Variants in HYCC1 observed in about 807,000 individuals in gnomAD.
HYCC1 encodes the protein hyccin PI4KA lipid kinase complex subunit 1, also known as hyccin.
At chr7:23,003,533 C>T in the HYCC1 span, among the ~76,000 whole-genome samples, 1 of 152,196 alleles carries the variant, frequency 6.6e-6, no homozygotes, top group Admixed American at 6.5e-5. Context: ...CCCCTCTTTC[C>T]TCTCTCCCAA....
chr7:22,914,105 G>A, the HYCC1 span, among the ~76,000 whole-genome samples: 5 of 152,172 alleles, frequency 3.3e-5, no homozygotes, highest in Non-Finnish European at 5.9e-5. Context: ...CCAAAACTCC[G>A]TAGCTGGTCA....
chr7:22,997,132 A>G, the HYCC1 span, among the ~76,000 whole-genome samples: 1 of 152,148 alleles, frequency 6.6e-6, no homozygotes, highest in Non-Finnish European at 1.5e-5. Context: ...TCTAAGTCAA[A>G]TGTCTTATTC....
chr7:22,978,101 C>T, the HYCC1 span: 15 of 649,528 alleles, frequency 2.3e-5, no homozygotes, highest in Middle Eastern at 4.1e-4. Flanking sequence ...ATTACATGTA[C>T]GCTTGTATGT....
the HYCC1 span, among the ~76,000 whole-genome samples, chr7:22,907,181 G>A: frequency 1.1e-4 from 16 of 151,178 alleles, no homozygotes; most frequent in Non-Finnish European, 1.9e-4. Context: ...AGGCTGGTTC[G>A]GGCCTTCACA....
chr7:22,947,066 G>T, the HYCC1 span: 1 of 1,550,330 alleles, frequency 6.5e-7, no homozygotes, highest in African/African-American at 1.4e-5. Flanking sequence ...GCAAGCCTTT[G>T]CTCTCAGTTC....
chr7:22,922,055 A>C, the HYCC1 span, among the ~76,000 whole-genome samples: 1 of 152,090 alleles, frequency 6.6e-6, no homozygotes, highest in Non-Finnish European at 1.5e-5. Context: ...GAAATTAGTA[A>C]AGGAAAAATA....
the HYCC1 span, among the ~76,000 whole-genome samples, chr7:22,969,178 G>C: frequency 6.6e-6 from 1 of 152,006 alleles, no homozygotes; most frequent in Non-Finnish European, 1.5e-5. Flanking sequence ...TTCTTTTTTT[G>C]TTTGTTTGTT....
At chr7:22,974,715 G>A in the HYCC1 span, among the ~76,000 whole-genome samples, 4 of 152,016 alleles carry the variant, frequency 2.6e-5, no homozygotes, top group Admixed American at 6.6e-5. Context: ...CAATGATCCC[G>A]TCCTCTGTGA....
At chr7:22,912,069 T>C in the HYCC1 span, among the ~76,000 whole-genome samples, 1 of 152,228 alleles carries the variant, frequency 6.6e-6, no homozygotes, top group Non-Finnish European at 1.5e-5. Context: ...ACTTCTGGTA[T>C]GGCAGCATGA....
the HYCC1 span, among the ~76,000 whole-genome samples, chr7:22,897,918 G>GCCA: frequency 6.6e-6 from 1 of 152,028 alleles, no homozygotes; most frequent in Non-Finnish European, 1.5e-5. Context: ...ACAGGTCTGA[G>GCCA]CCACCACACC....
the HYCC1 span, chr7:22,946,905 T>C: frequency 2.0e-6 from 3 of 1,486,738 alleles, no homozygotes; most frequent in Non-Finnish European, 1.8e-6. Flanking sequence ...TTTGTGACTG[T>C]GCAACTGCTG....
the HYCC1 span, among the ~76,000 whole-genome samples, chr7:23,000,124 C>A: frequency 6.6e-6 from 1 of 151,984 alleles, no homozygotes; most frequent in South Asian, 2.1e-4. Flanking sequence ...TAAATGGCCA[C>A]ACTTAAATCT....
the HYCC1 span, among the ~76,000 whole-genome samples, chr7:22,983,562 G>A: frequency 6.6e-6 from 1 of 152,172 alleles, no homozygotes; most frequent in Non-Finnish European, 1.5e-5. Context: ...TTGAAACCAT[G>A]TGTTTACTTA....
chr7:22,972,206 C>A, the HYCC1 span, among the ~76,000 whole-genome samples: 1 of 152,110 alleles, frequency 6.6e-6, no homozygotes, highest in East Asian at 1.9e-4. Flanking sequence ...GCATTAAGTG[C>A]TTTATATTTA....
chr7:22,930,394 A>G, the HYCC1 span, among the ~76,000 whole-genome samples: 1 of 117,496 alleles, frequency 8.5e-6, no homozygotes, highest in Non-Finnish European at 1.8e-5. Context: ...AAAGAAAAAG[A>G]AAAAAAAAAA....
chr7:22,991,998 CT>C, the HYCC1 span, among the ~76,000 whole-genome samples: 1 of 151,780 alleles, frequency 6.6e-6, no homozygotes, highest in Non-Finnish European at 1.5e-5. Context: ...ATTTGCCTTA[CT>C]TTTTTTTAAT....
At chr7:22,976,791 G>C in the HYCC1 span, 346 of 1,611,488 alleles carry the variant, frequency 2.1e-4, 2 homozygotes, top group South Asian at 3.2e-3. Context: ...TCAGAGCCAT[G>C]GACCCAATGC....
the HYCC1 span, among the ~76,000 whole-genome samples, chr7:22,928,567 G>A: frequency 2.0e-5 from 3 of 152,216 alleles, no homozygotes; most frequent in East Asian, 1.9e-4. Context: ...GCCAAATCAC[G>A]AGTGAACTCC....
chr7:22,920,412 T>A, the HYCC1 span, among the ~76,000 whole-genome samples: 1 of 151,988 alleles, frequency 6.6e-6, no homozygotes, highest in Non-Finnish European at 1.5e-5. Flanking sequence ...TTATCACATA[T>A]AAGAGATCCC....
Sources: gnomAD v4.1 joint callset for allele counts (sites outside exome capture counted in the v4.1 genomes callset) on GRCh38, gnomAD v4.1.1 for gene constraint, MANE v1.5 for transcripts, NCBI Gene and HGNC (gene_info 2026-07-23, HGNC 2026-07-21) for gene names.